The following MAP3K5 variants were observed in gnomAD, a reference collection of about 807,000 sequenced individuals.
The protein encoded by MAP3K5 is mitogen-activated protein kinase kinase kinase 5.
In MAP3K5, 56 loss-of-function variants were observed where a neutral mutation model predicts 158.7. The ratio of observed to expected loss-of-function variants is 0.35; its 90% CI spans 0.28 to 0.44. The LOEUF is 0.44. Ranked by LOEUF, MAP3K5 falls within the 20% of genes least tolerant of loss-of-function variation. The probability of loss-of-function intolerance (pLI) is 1.00; values close to 1 mark genes in which losing one functional copy is unlikely to be tolerated. For missense variants in MAP3K5, 1,294 were observed against 1,674.8 expected, an observed-to-expected ratio of 0.77 and a Z score of 3.97; for synonymous variants, 579 against 601.7, an observed-to-expected ratio of 0.96 and a Z score of 0.55.
At chr6:136,618,971 A>C (rs1776686489) in intron 15 of MAP3K5, among the ~76,000 whole-genome samples, 1 of 152,172 alleles carries the variant, frequency 6.6e-6, no homozygotes, top group African/African-American at 2.4e-5. Flanking sequence ...CCTTGTAGGT[A>C]GGGGTAGGCA....
chr6:136,608,166 T>C (rs1776181722), intron 18 of MAP3K5, among the ~76,000 whole-genome samples: 1 of 151,158 alleles, frequency 6.6e-6, no homozygotes, highest in South Asian at 2.1e-4. Context: ...TCTGAGTAAA[T>C]AACAGAAGAA....
intron 1 of MAP3K5, among the ~76,000 whole-genome samples, chr6:136,722,944 A>T (rs1294990723): frequency 6.6e-6 from 1 of 151,504 alleles, no homozygotes. Flanking sequence ...TGCCTCAGCC[A>T]CCTAAAGTGC....
At chr6:136,707,561 G>GA (rs1554301357) in intron 2 of MAP3K5, among the ~76,000 whole-genome samples, 1 of 151,854 alleles carries the variant, frequency 6.6e-6, no homozygotes, top group Non-Finnish European at 1.5e-5. Context: ...GGTACTTGGG[G>GA]GGGGGGGGAA....
chr6:136,683,162 C>T (rs954003386), intron 7 of MAP3K5, among the ~76,000 whole-genome samples: 14 of 152,182 alleles, frequency 9.2e-5, no homozygotes, highest in South Asian at 6.2e-4. Context: ...TTAATCCTCA[C>T]AACAAAGCAC....
intron 2 of MAP3K5, among the ~76,000 whole-genome samples, chr6:136,710,089 T>A (rs1483264771): frequency 6.6e-6 from 1 of 152,234 alleles, no homozygotes; most frequent in East Asian, 1.9e-4. Context: ...TCAACTTTAA[T>A]GGAGCAAAGG....
At chr6:136,608,307 T>C (rs1258384116) in intron 18 of MAP3K5, among the ~76,000 whole-genome samples, 1 of 149,430 alleles carries the variant, frequency 6.7e-6, no homozygotes, top group African/African-American at 2.5e-5. Context: ...CTCTGAGCAA[T>C]AGGACTTGGT....
At chr6:136,724,827 T>C (rs924412029) in intron 1 of MAP3K5, among the ~76,000 whole-genome samples, 14 of 152,196 alleles carry the variant, frequency 9.2e-5, no homozygotes, top group African/African-American at 7.2e-5. Context: ...GTCTCTGATG[T>C]ACAGTCTAAT....
At chr6:136,632,650 G>T (rs1777427700) in intron 14 of MAP3K5, among the ~76,000 whole-genome samples, 1 of 152,206 alleles carries the variant, frequency 6.6e-6, no homozygotes, top group African/African-American at 2.4e-5. Context: ...GAAGACCTGA[G>T]ATCAGGGGAG....
Position 136,791,921 on chromosome 6 carries a change from G to T in MAP3K5, c.237C>A (p.Gly79=). The change falls in exon 1 of 30, where the codon GGC becomes GGA. Residue 79 remains glycine (G), a synonymous_variant. Coordinates refer to ENST00000359015, the MANE Select transcript of MAP3K5 (RefSeq NM_005923.4). ...TGCCCCCGCCAACAGAGCTGCCCCG[G>T]CCTCGGGTGGCACTGCTCGAGGAGG... ...AATSSSSATR[G]RGSSVGGGSR... 1.2e-6 allele frequency: 2 copies of T among 1,612,760 alleles called. No homozygotes were observed. The highest frequency in any genetic ancestry group is 1.7e-6 in the Non-Finnish European group (2 of 1,179,778).
intron 23 of MAP3K5, among the ~76,000 whole-genome samples, chr6:136,590,741 C>T (rs1044891312): frequency 1.1e-4 from 16 of 152,060 alleles, no homozygotes; most frequent in Non-Finnish European, 1.5e-4. Flanking sequence ...GGGGTTTCAC[C>T]GTGTTAGCCA....
intron 15 of MAP3K5, among the ~76,000 whole-genome samples, chr6:136,620,889 G>A (rs1368916333): frequency 6.6e-6 from 1 of 152,204 alleles, no homozygotes; most frequent in African/African-American, 2.4e-5. Flanking sequence ...CAAGAGCAGT[G>A]AGCAACAGAT....
intron 23 of MAP3K5, among the ~76,000 whole-genome samples, chr6:136,588,510 A>T (rs1380115389): frequency 6.6e-6 from 1 of 152,246 alleles, no homozygotes; most frequent in Non-Finnish European, 1.5e-5. Flanking sequence ...ATATATATGT[A>T]TAGTTTTTCT....
rs1490496940 is a variant in MAP3K5 at position 136,562,527 on chromosome 6, G to C, written c.3850C>G (p.Leu1284Val). The change falls in exon 27 of 30, where the codon CTG becomes GTG. Residue 1284 changes from leucine (L) to valine (V), a missense_variant. Physicochemically the swap from Leu to Val is conservative, Grantham distance 32. Coordinates refer to ENST00000359015, the MANE Select transcript of MAP3K5 (RefSeq NM_005923.4). Reference sequence around the variant, plus strand: ...CCTATGGGTTGGGACTTAAGCTTCAGGTGTTTAATTTCTTGGTCTTTTTCT... The same window carrying C: ...CCTATGGGTTGGGACTTAAGCTTCACGTGTTTAATTTCTTGGTCTTTTTCT... ...IEEKDQEIKH[L>V]KLKSQPIEIP... 6.3e-7 allele frequency: 1 copy of C among 1,598,952 alleles called. No homozygotes were observed.
At chr6:136,708,965 T>C (rs1781191602) in intron 2 of MAP3K5, among the ~76,000 whole-genome samples, 1 of 152,190 alleles carries the variant, frequency 6.6e-6, no homozygotes, top group African/African-American at 2.4e-5. Context: ...GCATCCTCTG[T>C]GCAATGTATA....
chr6:136,642,655 G>T, intron 11 of MAP3K5, 86 bp from the exon 12 acceptor site: 4 of 882,098 alleles, frequency 4.5e-6, no homozygotes, highest in Admixed American at 2.1e-5. Flanking sequence ...TTTTTAAAGT[G>T]ATATACACAG....
At chr6:136,782,790 T>C (rs942697280) in intron 1 of MAP3K5, among the ~76,000 whole-genome samples, 10 of 152,206 alleles carry the variant, frequency 6.6e-5, no homozygotes, top group Non-Finnish European at 1.2e-4. Flanking sequence ...TATCACAATG[T>C]AGTTTCAGTT....
chr6:136,569,067 C>T (rs1390541101), intron 25 of MAP3K5, among the ~76,000 whole-genome samples: 1 of 152,038 alleles, frequency 6.6e-6, no homozygotes, highest in Non-Finnish European at 1.5e-5. Context: ...AACTGACCAG[C>T]ATTACCATTA....
At chr6:136,628,457 G>A (rs1298865556) in intron 14 of MAP3K5, among the ~76,000 whole-genome samples, 1 of 151,776 alleles carries the variant, frequency 6.6e-6, no homozygotes, top group African/African-American at 2.4e-5. Context: ...TACCCAGGCT[G>A]GACTCAAAGT....
intron 15 of MAP3K5, among the ~76,000 whole-genome samples, chr6:136,615,992 T>C (rs1388057198): frequency 1.3e-5 from 2 of 152,206 alleles, no homozygotes; most frequent in Non-Finnish European, 2.9e-5. Flanking sequence ...CTGTGTAATA[T>C]TTCCAGAAAG....
Sources: allele counts gnomAD v4.1 joint callset (sites outside exome capture counted in the v4.1 genomes callset), GRCh38; gene constraint gnomAD v4.1.1; transcripts MANE v1.5; gene names NCBI Gene and HGNC (gene_info 2026-07-23, HGNC 2026-07-21).